Variants in CDC42SE2 observed in about 807,000 individuals in gnomAD.
CDC42SE2 encodes the protein CDC42 small effector 2.
CDC42SE2 carries 3 observed loss-of-function variants against 11.5 expected under a neutral mutation model. The ratio of observed to expected loss-of-function variants is 0.26; its 90% CI spans 0.12 to 0.67. The LOEUF is 0.67. Among genes scored for constraint, CDC42SE2 ranks in the 30% least tolerant of loss-of-function variants. The pLI, the probability that CDC42SE2 is intolerant of heterozygous loss-of-function variation, is 0.80. For missense variants in CDC42SE2, 82 were observed against 106.8 expected (o/e 0.77, Z 1.02); for synonymous variants, 33 against 34.8 (o/e 0.95, Z 0.18).
At chr5:131,302,905 A>T (rs1310987101) in intron 1 of CDC42SE2, among the ~76,000 whole-genome samples, 1 of 149,624 alleles carries the variant, frequency 6.7e-6, no homozygotes, top group Non-Finnish European at 1.5e-5. Flanking sequence ...TTTTTGCCTC[A>T]TTTACACCTA....
At chr5:131,259,801 T>A (rs1004924191), upstream of CDC42SE2, among the ~76,000 whole-genome samples, 8 of 152,274 alleles carry the variant, frequency 5.3e-5, no homozygotes, top group African/African-American at 1.9e-4. Flanking sequence ...GTGTCTCTTG[T>A]CATTCAACTG....
At chr5:131,218,807 A>T in the CDC42SE2 span, among the ~76,000 whole-genome samples, 10 of 152,158 alleles carry the variant, frequency 6.6e-5, no homozygotes, top group African/African-American at 2.4e-4. Flanking sequence ...GATGCTGATA[A>T]TGTTCTGGTT....
intron 1 of CDC42SE2, among the ~76,000 whole-genome samples, chr5:131,277,976 G>C (rs1053668810): frequency 1.3e-5 from 2 of 152,124 alleles, no homozygotes; most frequent in South Asian, 2.1e-4. Flanking sequence ...GATAAAGCCA[G>C]GTACCAATTT....
intron 3 of CDC42SE2, among the ~76,000 whole-genome samples, chr5:131,360,335 G>A (rs530870822): frequency 1.3e-5 from 2 of 152,250 alleles, no homozygotes; most frequent in African/African-American, 4.8e-5. Context: ...GGTCAGGCTG[G>A]TCTCGAACTC....
intron 3 of CDC42SE2, 139 bp downstream of exon 3, chr5:131,359,686 C>T (rs1446183784): frequency 1.4e-5 from 10 of 709,850 alleles, no homozygotes; most frequent in Middle Eastern, 2.4e-4. Context: ...AGTGGAACTC[C>T]GAACATATGT....
At chr5:131,350,295 G>T (rs1561595126) in intron 2 of CDC42SE2, among the ~76,000 whole-genome samples, 1 of 151,360 alleles carries the variant, frequency 6.6e-6, no homozygotes, top group Non-Finnish European at 1.5e-5. Context: ...AGTTTCTGTG[G>T]TATAATTCAT....
intron 1 of CDC42SE2, among the ~76,000 whole-genome samples, chr5:131,285,439 T>C (rs1337676310): frequency 6.6e-6 from 1 of 152,186 alleles, no homozygotes; most frequent in Non-Finnish European, 1.5e-5. Flanking sequence ...ATAAATAAAA[T>C]AATTTCTGAC....
At chr5:131,255,852 G>A (rs1205742357) in intron 2 of CDC42SE2, among the ~76,000 whole-genome samples, 1 of 152,144 alleles carries the variant, frequency 6.6e-6, no homozygotes. Flanking sequence ...CAGGCATTGA[G>A]ATTTTATATG....
At chr5:131,294,456 A>G (rs1757526724) in intron 1 of CDC42SE2, among the ~76,000 whole-genome samples, 1 of 152,188 alleles carries the variant, frequency 6.6e-6, no homozygotes, top group African/African-American at 2.4e-5. Context: ...CCAGACACTC[A>G]GATACTAGGG....
At chr5:131,260,332 A>G (rs1344837749), upstream of CDC42SE2, among the ~76,000 whole-genome samples, 1 of 152,210 alleles carries the variant, frequency 6.6e-6, no homozygotes, top group Admixed American at 6.5e-5. Context: ...TTTAAAAAAC[A>G]TTAATAGTGG....
the CDC42SE2 span, among the ~76,000 whole-genome samples, chr5:131,211,977 T>C: frequency 8.8e-6 from 1 of 113,630 alleles, no homozygotes; most frequent in Non-Finnish European, 1.7e-5. Flanking sequence ...ATGGCACCAC[T>C]GGACTTCAGC....
chr5:131,381,543 G>A (rs1371404274), intron 3 of CDC42SE2, among the ~76,000 whole-genome samples: 2 of 152,022 alleles, frequency 1.3e-5, no homozygotes, highest in Non-Finnish European at 2.9e-5. Context: ...GGCTGGTCTC[G>A]AACTCTTGAC....
the CDC42SE2 span, among the ~76,000 whole-genome samples, chr5:131,229,197 A>G: frequency 5.3e-5 from 8 of 152,078 alleles, no homozygotes; most frequent in South Asian, 1.0e-3. Flanking sequence ...GTGTGTTTTT[A>G]GAGATCGGGT....
intron 1 of CDC42SE2, among the ~76,000 whole-genome samples, chr5:131,265,824 C>T (rs1756847246): frequency 6.6e-6 from 1 of 152,178 alleles, no homozygotes; most frequent in Non-Finnish European, 1.5e-5. Flanking sequence ...TTTTTATTAT[C>T]TCCCTGGTCC....
At chr5:131,292,241 A>G (rs1227954356) in intron 1 of CDC42SE2, among the ~76,000 whole-genome samples, 10 of 99,120 alleles carry the variant, frequency 1.0e-4, no homozygotes, top group African/African-American at 1.0e-3. Context: ...CTGTCTCACC[A>G]AAAAAAAAAA....
the CDC42SE2 span, among the ~76,000 whole-genome samples, chr5:131,221,798 T>TTTTTTCACCTTCATTTACAGCAG: frequency 6.6e-5 from 10 of 152,310 alleles, no homozygotes; most frequent in Non-Finnish European, 1.5e-4. Flanking sequence ...TTCTTTCTCA[T>TTTTTTCACCTTCATTTACAGCAG]TTTTTCACCT....
At chr5:131,264,824 G>C (rs1411569276) in intron 1 of CDC42SE2, among the ~76,000 whole-genome samples, 1 of 152,226 alleles carries the variant, frequency 6.6e-6, no homozygotes, top group Non-Finnish European at 1.5e-5. Flanking sequence ...ATTAACAGCT[G>C]AAAAAGCGCC....
In CDC42SE2 at chr5:131,284,710, G is replaced by T. The variant is rs370716665; in HGVS notation, c.-455+20544G>T. ...GTTGGTTGTGAACTCCTGGGCTCAA[G>T]CAATCCTGTGCCTTAGCCTCCTAAA... On this transcript the variant is annotated intron_variant, in intron 1 of 4. Coordinates refer to ENST00000505065, the MANE Select transcript of CDC42SE2 (RefSeq NM_001375635.1). Among the ~76,000 whole-genome samples the T allele has an allele frequency of 5.9e-5, 9 of 152,096 alleles. No homozygotes were observed. In the East Asian group the frequency reaches 1.3e-3, roughly 23 times the overall value.
At chr5:131,351,153 T>C (rs1395381006) in intron 2 of CDC42SE2, among the ~76,000 whole-genome samples, 2 of 151,986 alleles carry the variant, frequency 1.3e-5, no homozygotes, top group Non-Finnish European at 2.9e-5. Flanking sequence ...TGCTGCCCAG[T>C]TGCCCAGGCT....
Sources: allele counts gnomAD v4.1 joint callset (sites outside exome capture counted in the v4.1 genomes callset), GRCh38; gene constraint gnomAD v4.1.1; transcripts MANE v1.5; gene names NCBI Gene and HGNC (gene_info 2026-07-23, HGNC 2026-07-21).